The following MATCAP1 variants were observed in gnomAD, a reference collection of about 807,000 sequenced individuals.
The protein encoded by MATCAP1 is microtubule associated tyrosine carboxypeptidase 1, also known as microtubule-associated tyrosine carboxypeptidase 1.
the MATCAP1 span, chr16:67,180,362 G>A: frequency 6.2e-7 from 1 of 1,612,726 alleles, no homozygotes; most frequent in South Asian, 1.1e-5. Context: ...TTACAGAGTA[G>A]GTGCTCTCAC....
the MATCAP1 span, chr16:67,183,131 T>C: frequency 2.6e-5 from 4 of 152,262 alleles, no homozygotes; most frequent in Non-Finnish European, 2.9e-5. Context: ...AATGACCAGC[T>C]GCTTGAAAAG....
chr16:67,182,085 T>A, the MATCAP1 span, among the ~76,000 whole-genome samples: 3,251 of 152,204 alleles, frequency 0.021, 59 homozygotes, highest in Non-Finnish European at 0.034. Context: ...ACCCCGTCTC[T>A]ACTAAAATAC....
the MATCAP1 span, chr16:67,177,985 C>T: frequency 6.3e-7 from 1 of 1,591,858 alleles, no homozygotes. Context: ...CTGGCTGGGA[C>T]CTCTGAAGGT....
At chr16:67,176,838 C>T in the MATCAP1 span, 45 of 1,605,050 alleles carry the variant, frequency 2.8e-5, no homozygotes, top group South Asian at 1.9e-4. This position sits in a 1 kb window ranked among gnomAD's most constrained non-coding sequence, Gnocchi z 4.3. Context: ...GACCCAGCTC[C>T]GCCTCATCCA....
At chr16:67,179,624 A>T in the MATCAP1 span, 1 of 1,535,010 alleles carries the variant, frequency 6.5e-7, no homozygotes, top group Non-Finnish European at 9.0e-7. The surrounding 1 kb of genome is among the most constrained non-coding windows in gnomAD (Gnocchi z 5.2). Flanking sequence ...AGGTGGACCC[A>T]ATGATGCCAC....
chr16:67,178,617 C>T, the MATCAP1 span: 145 of 932,402 alleles, frequency 1.6e-4, no homozygotes, highest in African/African-American at 2.3e-3. Flanking sequence ...ACACTTCCAT[C>T]CTCATGCTCC....
the MATCAP1 span, chr16:67,176,800 C>T: frequency 1.9e-6 from 3 of 1,569,878 alleles, no homozygotes; most frequent in South Asian, 2.4e-5. This position sits in a 1 kb window ranked among gnomAD's most constrained non-coding sequence, Gnocchi z 4.3. Flanking sequence ...GACTGCAGCC[C>T]TCAACGGACA....
At chr16:67,182,249 C>CAAAA in the MATCAP1 span, among the ~76,000 whole-genome samples, 2 of 46,340 alleles carry the variant, frequency 4.3e-5, no homozygotes, top group Non-Finnish European at 9.3e-5. Flanking sequence ...AACTCCATCT[C>CAAAA]AAAAAAAAAA....
chr16:67,178,509 G>A, the MATCAP1 span: 29 of 1,522,958 alleles, frequency 1.9e-5, no homozygotes, highest in Non-Finnish European at 2.5e-5. Context: ...GGGTGCCTGC[G>A]GGGAAGGCGA....
the MATCAP1 span, chr16:67,178,043 G>A: frequency 6.2e-7 from 1 of 1,614,208 alleles, no homozygotes; most frequent in Non-Finnish European, 8.5e-7. Flanking sequence ...GGAAATCGAT[G>A]GTCTGGCGAT....
At chr16:67,180,930 T>C in the MATCAP1 span, among the ~76,000 whole-genome samples, 2 of 152,170 alleles carry the variant, frequency 1.3e-5, no homozygotes, top group South Asian at 2.1e-4. Flanking sequence ...GCAATGATCA[T>C]AGCTCATTGC....
the MATCAP1 span, among the ~76,000 whole-genome samples, chr16:67,177,558 C>T: frequency 1.3e-5 from 2 of 152,224 alleles, no homozygotes; most frequent in South Asian, 2.1e-4. Context: ...GCACTCCCTT[C>T]CCTAGTCCTC....
At chr16:67,179,093 C>T in the MATCAP1 span, 1 of 1,184,660 alleles carries the variant, frequency 8.4e-7, no homozygotes, top group Non-Finnish European at 1.1e-6. This position sits in a 1 kb window ranked among gnomAD's most constrained non-coding sequence, Gnocchi z 5.2. Context: ...AGCGTGGTGG[C>T]TGGCCTGGTG....
chr16:67,179,465 T>TGGC, the MATCAP1 span: 2 of 1,612,322 alleles, frequency 1.2e-6, no homozygotes, highest in Admixed American at 3.3e-5. The surrounding 1 kb of genome is among the most constrained non-coding windows in gnomAD (Gnocchi z 5.2). Context: ...CAACCAGTAC[T>TGGC]GGCGGGCTCC....
the MATCAP1 span, chr16:67,180,224 T>C: frequency 6.2e-7 from 1 of 1,614,140 alleles, no homozygotes; most frequent in East Asian, 2.2e-5. Context: ...CAATATGGCC[T>C]GCATCCCTTT....
At chr16:67,182,173 C>T in the MATCAP1 span, among the ~76,000 whole-genome samples, 12 of 149,926 alleles carry the variant, frequency 8.0e-5, no homozygotes, top group Non-Finnish European at 1.2e-4. Context: ...CGCTTGAACC[C>T]GGGAGGCGGA....
chr16:67,178,045 T>C, the MATCAP1 span: 1 of 1,614,172 alleles, frequency 6.2e-7, no homozygotes, highest in Non-Finnish European at 8.5e-7. Flanking sequence ...AAATCGATGG[T>C]CTGGCGATGT....
chr16:67,180,522 G>A, the MATCAP1 span: 1 of 1,562,972 alleles, frequency 6.4e-7, no homozygotes, highest in Admixed American at 1.9e-5. Context: ...TCGGTCTGAG[G>A]GCTTCAGCCT....
chr16:67,176,792 C>T, the MATCAP1 span: 2 of 1,553,250 alleles, frequency 1.3e-6, no homozygotes, highest in South Asian at 2.4e-5. The surrounding 1 kb of genome is among the most constrained non-coding windows in gnomAD (Gnocchi z 4.3). Context: ...GGGCCTCTGA[C>T]TGCAGCCCTC....
Sources: gnomAD v4.1 joint callset for allele counts (sites outside exome capture counted in the v4.1 genomes callset) on GRCh38, gnomAD v4.1.1 for gene constraint, Gnocchi (gnomAD v3.1) non-coding constraint, MANE v1.5 for transcripts, NCBI Gene and HGNC (gene_info 2026-07-23, HGNC 2026-07-21) for gene names.